Variants in PCDH15 observed in about 807,000 individuals in gnomAD.
PCDH15 encodes protocadherin related 15.
Under a neutral mutation model 178.5 loss-of-function variants are expected in PCDH15, and 129 were observed. The observed-to-expected ratio is 0.72, with a 90% CI of 0.63 to 0.84. The LOEUF is 0.84. Among genes scored for constraint, PCDH15 ranks in the 40% least tolerant of loss-of-function variants. PCDH15 has a pLI of 0.00. For missense variants in PCDH15, 2,230 were observed against 2,099.9 expected (o/e 1.06, Z -1.21); for synonymous variants, 800 against 732.0 (o/e 1.09, Z -1.50).
intron 3 of PCDH15, among the ~76,000 whole-genome samples, chr10:54,884,480 G>GGTGTGTGT (rs11473798): frequency 0.034 from 5,100 of 148,680 alleles, 95 homozygotes; most frequent in African/African-American, 0.045. Context: ...TACTAAGATA[G>GGTGTGTGT]GTGTGTGTGT....
intron 8 of PCDH15, among the ~76,000 whole-genome samples, chr10:54,296,570 G>C (rs925331550): frequency 1.9e-4 from 28 of 151,244 alleles, no homozygotes; most frequent in African/African-American, 6.6e-4. Context: ...GTATAAGAAT[G>C]ATTTCTAGCA....
At position 55,442,744 on chromosome 10, in the gene PCDH15, C is replaced by T. The variant is rs1240007100; in HGVS notation, c.-156+184881G>A. ...AATGATAAACTAGATTGTGAATGCA[C>T]GGATGCTCATTGTTCTATTCTTTCT... On this transcript the variant is annotated intron_variant, in intron 2 of 5. Coordinates refer to the PCDH15 transcript ENST00000613346. 6.6e-5 allele frequency among the ~76,000 whole-genome samples: 10 copies of T among 151,588 alleles called. 1 individual carries two copies. The highest frequency in any genetic ancestry group is 6.3e-3 in the Middle Eastern group (2 of 316).
rs970083692 is a variant in PCDH15 at position 55,139,982 on chromosome 10, T to C, written c.-80+26594A>G. ...ATTATTTTAGCATAGTAATCCTGTATATGTTTTGCTAGAATTACACCTAAG... is the reference window on the plus strand; with the variant it reads ...ATTATTTTAGCATAGTAATCCTGTACATGTTTTGCTAGAATTACACCTAAG... On this transcript the variant is annotated intron_variant, in intron 2 of 5. Transcript: ENST00000458638. Among the ~76,000 whole-genome samples, 5 of 151,952 alleles carry C rather than the reference T, an allele frequency of 3.3e-5. No individual in the cohort carries two copies. In the South Asian group the frequency reaches 1.0e-3, roughly 31 times the overall value.
At chr10:55,166,782 T>G (rs1361813881) in intron 1 of PCDH15, 1 of 152,196 alleles carries the variant, frequency 6.6e-6, no homozygotes, top group Non-Finnish European at 1.5e-5. Context: ...AATAAATTCT[T>G]GCAAATTATC....
At chr10:55,520,602 A>G (rs1044261636) in intron 2 of PCDH15, among the ~76,000 whole-genome samples, 2 of 150,702 alleles carry the variant, frequency 1.3e-5, no homozygotes, top group African/African-American at 4.9e-5. Context: ...TAGGAACAGA[A>G]CATAATATTT....
intron 2 of PCDH15, among the ~76,000 whole-genome samples, chr10:54,555,667 G>T (rs1360161096): frequency 6.7e-6 from 1 of 148,788 alleles, no homozygotes; most frequent in Non-Finnish European, 1.5e-5. Flanking sequence ...AACCCAGGAG[G>T]CAGAGGTTGC....
At chr10:54,080,959 A>T (rs1195232481) in intron 16 of PCDH15, among the ~76,000 whole-genome samples, 1 of 152,198 alleles carries the variant, frequency 6.6e-6, no homozygotes, top group Non-Finnish European at 1.5e-5. Flanking sequence ...TAGCCATGGT[A>T]TAATAAGAGA....
intron 13 of PCDH15, among the ~76,000 whole-genome samples, chr10:54,158,956 A>C (rs2045437630): frequency 6.6e-6 from 1 of 152,026 alleles, no homozygotes; most frequent in African/African-American, 2.4e-5. Flanking sequence ...AAATACAAAA[A>C]TATTAGCCAG....
chr10:53,910,590 C>T (rs1252957194), intron 25 of PCDH15, among the ~76,000 whole-genome samples: 1 of 152,110 alleles, frequency 6.6e-6, no homozygotes, highest in African/African-American at 2.4e-5. Context: ...ATTCTAAAAA[C>T]CAGAGCACCT....
chr10:54,093,043 CTAATATT>C (rs1321688713), intron 15 of PCDH15, among the ~76,000 whole-genome samples: 2 of 151,952 alleles, frequency 1.3e-5, no homozygotes, highest in African/African-American at 4.8e-5. Flanking sequence ...CAGATCTACT[CTAATATT>C]TAATATCCTT....
intron 13 of PCDH15, among the ~76,000 whole-genome samples, chr10:54,174,704 T>TTC (rs2047261539): frequency 9.4e-6 from 1 of 106,220 alleles, no homozygotes; most frequent in African/African-American, 5.1e-5. Flanking sequence ...TTTCTTTTCT[T>TTC]TTTTTTTTTT....
In PCDH15 at chr10:55,006,263, T is replaced by G. The variant is rs150109903; in HGVS notation, c.-79-108763A>C. The stretch of plus-strand genomic sequence containing the variant: ...TCTCTCAAGTCCTCATCACTCCTTC[T>G]TCTCCCACCGCCAACCCCAGCCTTC... On this transcript the variant is annotated intron_variant, in intron 2 of 5. Coordinates refer to the PCDH15 transcript ENST00000458638. Among the ~76,000 whole-genome samples the G allele has an allele frequency of 7.0e-4, 107 of 152,242 alleles. 1 individual carries two copies. In the East Asian group the frequency reaches 0.02, roughly 29 times the overall value.
chr10:54,785,893 C>T (rs1466609995), intron 1 of PCDH15, among the ~76,000 whole-genome samples: 1 of 151,926 alleles, frequency 6.6e-6, no homozygotes, highest in East Asian at 1.9e-4. Flanking sequence ...GGATTGCCAT[C>T]AGCACCCCCT....
intron 21 of PCDH15, among the ~76,000 whole-genome samples, chr10:53,988,668 CT>C (rs144726437): frequency 0.019 from 2,853 of 152,226 alleles, 39 homozygotes; most frequent in Non-Finnish European, 0.032. Context: ...TCCATTTCCC[CT>C]GGCAAGACAC....
intron 2 of PCDH15, among the ~76,000 whole-genome samples, chr10:55,572,677 G>T (rs1842428540): frequency 6.6e-6 from 1 of 151,994 alleles, no homozygotes; most frequent in Non-Finnish European, 1.5e-5. Context: ...GGAAGGAAAT[G>T]GTGGTGCAGG....
chr10:54,697,012 G>A (rs1229138165), intron 1 of PCDH15, among the ~76,000 whole-genome samples: 4 of 152,006 alleles, frequency 2.6e-5, no homozygotes, highest in South Asian at 2.1e-4. Flanking sequence ...GATTCCTGGG[G>A]ATCAAGCACT....
At chr10:55,433,650 T>A (rs977387785) in intron 2 of PCDH15, among the ~76,000 whole-genome samples, 1 of 151,478 alleles carries the variant, frequency 6.6e-6, no homozygotes, top group African/African-American at 2.4e-5. Context: ...CAAACATTTT[T>A]AATTTTAATA....
intron 13 of PCDH15, among the ~76,000 whole-genome samples, chr10:54,153,781 CCAGA>C (rs1564547948): frequency 6.6e-6 from 1 of 152,112 alleles, no homozygotes; most frequent in Non-Finnish European, 1.5e-5. Flanking sequence ...TCCCTGTCTC[CCAGA>C]CACTCTCATC....
At chr10:54,731,840 C>T (rs1275079396) in intron 1 of PCDH15, among the ~76,000 whole-genome samples, 1 of 150,228 alleles carries the variant, frequency 6.7e-6, no homozygotes, top group East Asian at 2.0e-4. Context: ...GAATAATAGG[C>T]ACAAATATAC....
Sources: gnomAD v4.1 joint callset for allele counts (sites outside exome capture counted in the v4.1 genomes callset) on GRCh38, gnomAD v4.1.1 for gene constraint, MANE v1.5 for transcripts, NCBI Gene and HGNC (gene_info 2026-07-23, HGNC 2026-07-21) for gene names.